ZSWIM2: variants seen among roughly 807,000 people sequenced by gnomAD.
The protein encoded by ZSWIM2 is E3 ubiquitin-protein ligase ZSWIM2.
A neutral mutation model predicts 48.4 loss-of-function variants in ZSWIM2; 38 were observed. The ratio of observed to expected loss-of-function variants is 0.79; its 90% CI spans 0.61 to 1.03. ZSWIM2 has a LOEUF of 1.03. ZSWIM2 is among the 50% of genes least tolerant of loss of function. The pLI is 0.00. For synonymous variants in ZSWIM2, 240 were observed against 251.3 expected, an observed-to-expected ratio of 0.96 and a Z score of 0.42; for missense variants, 776 against 730.2, an observed-to-expected ratio of 1.06 and a Z score of -0.72.
In ZSWIM2 at chr2:186,828,756, T is replaced by G. The variant is rs1357771683; in HGVS notation, c.1130A>C (p.His377Pro). The G allele has an allele frequency of 6.3e-7, 1 of 1,592,096 alleles. No homozygotes were observed. Among genetic ancestry groups the G allele is most frequent in the Admixed American group, 1.8e-5 (1 of 56,156 alleles). Residue 377 changes from histidine (H) to proline (P), a missense_variant, in exon 9 of 9, where the codon CAC (histidine) becomes CCC (proline). Coordinates refer to ENST00000295131, the MANE Select transcript of ZSWIM2 (RefSeq NM_182521.3). ...ATCAATAGGGCATGAATTGCACTTG[T>G]GGAATAACCAGTTGTCAATACACTT... Reference protein sequence around the residue: ...HRKCIDNWLFHKCNSCPIDGQ... With the variant: ...HRKCIDNWLFPKCNSCPIDGQ...
At chr2:186,828,919 C>A (rs1253666459) in intron 8 of ZSWIM2, 129 bp from the exon 9 acceptor site, 1 of 582,020 alleles carries the variant, frequency 1.7e-6, no homozygotes, top group Non-Finnish European at 2.6e-6. Context: ...AATTATTTAT[C>A]AAGTTTTATG....
At chr2:186,842,305 T>C (rs1691917317) in intron 3 of ZSWIM2, among the ~76,000 whole-genome samples, 1 of 151,348 alleles carries the variant, frequency 6.6e-6, no homozygotes, top group Admixed American at 6.6e-5. Flanking sequence ...TTAAGATCGC[T>C]AAGACTTTCT....
intron 2 of ZSWIM2, among the ~76,000 whole-genome samples, chr2:186,845,773 T>C (rs547103915): frequency 6.6e-6 from 1 of 151,720 alleles, no homozygotes; most frequent in South Asian, 2.1e-4. Context: ...ACCCTACAAA[T>C]AGATTCTCAC....
At chr2:186,842,721 C>A (rs1470863842) in intron 3 of ZSWIM2, among the ~76,000 whole-genome samples, 2 of 151,388 alleles carry the variant, frequency 1.3e-5, no homozygotes, top group Non-Finnish European at 3.0e-5. Context: ...AGCCATTAGC[C>A]ACAGGTAGCT....
At chr2:186,831,097 T>C (rs1361587893) in intron 7 of ZSWIM2, among the ~76,000 whole-genome samples, 1 of 152,066 alleles carries the variant, frequency 6.6e-6, no homozygotes, top group Non-Finnish European at 1.5e-5. Flanking sequence ...AAAATGTCCT[T>C]CTTCTCCTAA....
intron 1 of ZSWIM2, among the ~76,000 whole-genome samples, chr2:186,848,386 G>A (rs1490757443): frequency 6.6e-6 from 1 of 152,148 alleles, no homozygotes; most frequent in Admixed American, 6.5e-5. Context: ...TAGTGCAGTG[G>A]CTAATTTTTG....
intron 5 of ZSWIM2, among the ~76,000 whole-genome samples, chr2:186,836,962 G>A (rs149940623): frequency 6.6e-6 from 1 of 152,104 alleles, no homozygotes; most frequent in South Asian, 2.1e-4. Context: ...AAGTTACAGA[G>A]GGTGAGAGAT....
At position 186,827,759 on chromosome 2, in the gene ZSWIM2, CA is replaced by C; in HGVS notation, c.*224del. 3.4e-6 allele frequency: 1 copy of C among 290,930 alleles called. No individual in the cohort carries two copies. Among genetic ancestry groups the C allele is most frequent in the Non-Finnish European group, 6.3e-6 (1 of 159,024 alleles). 18.0% of individuals were successfully genotyped at this position (290,930 alleles called of 1,614,324 possible). A position where few individuals can be genotyped will look rare whatever the true frequency, so the allele number is the denominator to read the frequency against. The stretch of plus-strand genomic sequence containing the variant: ...TAAGATAAAGGCTCTAAAAATTATT[CA>C]TTATTTATAACATCCTGAATATATT... On this transcript the variant is annotated 3_prime_UTR_variant, in exon 9 of 9. Transcript: ENST00000295131.
In ZSWIM2 at chr2:186,829,771, A is replaced by G; in HGVS notation, c.1051T>C (p.Phe351Leu). The G allele has an allele frequency of 6.2e-7, 1 of 1,613,624 alleles. No individual in the cohort carries two copies. The highest frequency in any genetic ancestry group is 8.5e-7 in the Non-Finnish European group (1 of 1,179,726). ...GYQCLLCLKA[F>L]HLGQHTRLLP... is the part of the protein sequence containing the mutation. ...AATCTTGTATGTTGACCAAGATGAA[A>G]TGCCTTCAAACAAAGTAGACACTGG... Residue 351 changes from phenylalanine (F) to leucine (L), a missense_variant, in exon 8 of 9, where the codon TTT becomes CTT. By Grantham distance (22) the Phe-to-Leu change is conservative. Transcript: ENST00000295131.
chr2:186,838,418 CTA>C (rs1471257151), intron 4 of ZSWIM2, among the ~76,000 whole-genome samples: 1 of 148,734 alleles, frequency 6.7e-6, no homozygotes, highest in African/African-American at 2.4e-5. Flanking sequence ...TTTTGAAAAA[CTA>C]AAAATAATTT....
intron 5 of ZSWIM2, among the ~76,000 whole-genome samples, chr2:186,836,862 G>A (rs1414048446): frequency 3.3e-5 from 5 of 152,042 alleles, no homozygotes; most frequent in Non-Finnish European, 5.9e-5. Context: ...GAGTAGGGGG[G>A]ACTGGATTAA....
chr2:186,827,938 ATTT>A lies in ZSWIM2; in HGVS notation c.*43_*45del, dbSNP rs775379352. The A allele has an allele frequency of 1.4e-6, 2 of 1,425,444 alleles. No individual in the cohort carries two copies. Among genetic ancestry groups the A allele is most frequent in the African/African-American group, 2.9e-5 (2 of 68,992 alleles). 88.3% of individuals were successfully genotyped at this position (1,425,444 alleles called of 1,614,324 possible). ...GTGCTTTTTATGTTCTATATAAAAC[ATTT>A]TTTTATATTCAACATTCAAATATTT... is the stretch of plus-strand genomic sequence containing the variant. On this transcript the variant is annotated 3_prime_UTR_variant, in exon 9 of 9. Transcript: ENST00000295131.
intron 4 of ZSWIM2, among the ~76,000 whole-genome samples, chr2:186,838,088 T>A (rs10200056): frequency 6.6e-6 from 1 of 151,280 alleles, no homozygotes; most frequent in Non-Finnish European, 1.5e-5. Flanking sequence ...TTTTGTTAAA[T>A]TATCAGAAGA....
Position 186,827,852 on chromosome 2 carries a change from G to T in ZSWIM2, c.*132C>A. The T allele has an allele frequency of 1.5e-6, 1 of 687,840 alleles. No individual in the cohort carries two copies. 42.6% of individuals were successfully genotyped at this position (687,840 alleles called of 1,614,324 possible). A position where few individuals can be genotyped will look rare whatever the true frequency, so the allele number is the denominator to read the frequency against. ...TCATTTCCTTTAAGTGTAGTGAGCT[G>T]TTTATAGGTAAGTAGGCAAATTCCA... On this transcript the variant is annotated 3_prime_UTR_variant, in exon 9 of 9. Coordinates refer to ENST00000295131, the MANE Select transcript of ZSWIM2 (RefSeq NM_182521.3).
In ZSWIM2 at chr2:186,828,424, T is replaced by C; in HGVS notation, c.1462A>G (p.Lys488Glu). 1.9e-6 allele frequency: 3 copies of C among 1,613,548 alleles called. No homozygotes were observed. Among genetic ancestry groups the C allele is most frequent in the Non-Finnish European group, 2.5e-6 (3 of 1,179,736 alleles). ...TACCTGGGAAAATGTTGGCTAATTT[T>C]ATAATCATAGGTTAATTTTTTTGAA... ...SNSKKLTYDY[K>E]ISQHFPRYLQ... Residue 488 changes from lysine (K) to glutamate (E), a missense_variant, in exon 9 of 9, where the codon AAA (lysine) becomes GAA (glutamate). By Grantham distance (56) the Lys-to-Glu change is moderately conservative. Coordinates refer to ENST00000295131, the MANE Select transcript of ZSWIM2 (RefSeq NM_182521.3).
At chr2:186,840,847 G>GA (rs1264810339) in intron 3 of ZSWIM2, among the ~76,000 whole-genome samples, 9 of 151,274 alleles carry the variant, frequency 5.9e-5, no homozygotes, top group Admixed American at 5.9e-4. Context: ...AAGCCATAGA[G>GA]AAAAAACTTA....
chr2:186,838,817 A>G (rs574500556), intron 4 of ZSWIM2, 142 bp downstream of exon 4: 187 of 353,186 alleles, frequency 5.3e-4, no homozygotes, highest in African/African-American at 3.9e-3. Context: ...GTGTTAGGAA[A>G]TAAAAGAATG....
intron 7 of ZSWIM2, among the ~76,000 whole-genome samples, chr2:186,832,496 G>A (rs919967917): frequency 1.3e-5 from 2 of 152,078 alleles, no homozygotes; most frequent in Non-Finnish European, 2.9e-5. Context: ...CTTAATCAAT[G>A]TTCTGAAATA....
intron 5 of ZSWIM2, 22 bp downstream of exon 5, chr2:186,837,284 A>G: frequency 1.9e-6 from 3 of 1,608,166 alleles, no homozygotes; most frequent in Non-Finnish European, 2.5e-6. Context: ...ACACATGCTT[A>G]TAATTTACGG....
Sources: gnomAD v4.1 joint callset for allele counts (sites outside exome capture counted in the v4.1 genomes callset) on GRCh38, gnomAD v4.1.1 for gene constraint, MANE v1.5 for transcripts, NCBI Gene and HGNC (gene_info 2026-07-23, HGNC 2026-07-21) for gene names.